The following PTGFR variants were observed in gnomAD, a reference collection of about 807,000 sequenced individuals.
PTGFR encodes the protein prostaglandin F2-alpha receptor.
PTGFR carries 15 observed loss-of-function variants against 26.2 expected under a neutral mutation model. That is an observed-to-expected ratio of 0.57 (90% CI 0.38 to 0.88). The LOEUF (loss-of-function observed/expected upper bound fraction) is 0.88. PTGFR is among the 40% of genes least tolerant of loss of function. PTGFR has a pLI of 0.00. For synonymous variants in PTGFR, 165 were observed against 151.1 expected (o/e 1.09, Z -0.68); for missense variants, 369 against 427.2 (o/e 0.86, Z 1.20).
At chr1:78,498,471 A>G (rs972922722) in intron 2 of PTGFR, among the ~76,000 whole-genome samples, 1 of 152,056 alleles carries the variant, frequency 6.6e-6, no homozygotes, top group Non-Finnish European at 1.5e-5. Flanking sequence ...GTGTACATAC[A>G]TACCTGTTTG....
rs1257804375 is a variant in PTGFR, at chr1:78,537,635, A to T, written c.*948A>T. The stretch of plus-strand genomic sequence containing the variant: ...CAGAATCAATATATAAAATTCAAAG[A>T]CTATCTGCAGCTAGTGTGTTTCTTC... On this transcript the variant is annotated 3_prime_UTR_variant, in exon 3 of 3. Transcript: ENST00000370757. The T allele has an allele frequency of 6.6e-6, 1 of 152,124 alleles. No individual in the cohort carries two copies. The highest frequency in any genetic ancestry group is 2.4e-5 in the African/African-American group (1 of 41,456). The allele number at this position is 152,124 out of a possible 1,614,324, so 9.4% of individuals were successfully genotyped here. A position where few individuals can be genotyped will look rare whatever the true frequency, so the allele number is the denominator to read the frequency against.
intron 2 of PTGFR, among the ~76,000 whole-genome samples, chr1:78,508,078 T>A (rs577646433): frequency 6.6e-6 from 1 of 152,310 alleles, no homozygotes; most frequent in South Asian, 2.1e-4. Context: ...ATTTTGCTTA[T>A]ACTCAGGATA....
chr1:78,533,025 G>C (rs544015820), intron 2 of PTGFR, among the ~76,000 whole-genome samples: 1 of 152,208 alleles, frequency 6.6e-6, no homozygotes, highest in Non-Finnish European at 1.5e-5. Context: ...GAGCTTTGTA[G>C]TTATTGGACC....
chr1:78,516,384 T>C (rs1214977310), intron 2 of PTGFR, among the ~76,000 whole-genome samples: 1 of 152,174 alleles, frequency 6.6e-6, no homozygotes, highest in Non-Finnish European at 1.5e-5. Flanking sequence ...TCAATATTCA[T>C]GGAGAAGAGC....
At chr1:78,533,385 A>G (rs368840752) in intron 2 of PTGFR, among the ~76,000 whole-genome samples, 1 of 152,176 alleles carries the variant, frequency 6.6e-6, no homozygotes, top group Non-Finnish European at 1.5e-5. Context: ...TCCACTTTGT[A>G]TGGAAGTCTG....
intron 2 of PTGFR, among the ~76,000 whole-genome samples, chr1:78,533,113 G>T (rs1650563402): frequency 6.6e-6 from 1 of 152,054 alleles, no homozygotes; most frequent in Non-Finnish European, 1.5e-5. Flanking sequence ...AAGAGGTAGT[G>T]GTTTGCAAAC....
intron 2 of PTGFR, among the ~76,000 whole-genome samples, chr1:78,497,485 A>G (rs1286966829): frequency 6.6e-6 from 1 of 152,168 alleles, no homozygotes; most frequent in Non-Finnish European, 1.5e-5. Flanking sequence ...GAGAAAAAAG[A>G]GATTCACCAG....
chr1:78,505,127 T>TTC (rs1334199797), intron 2 of PTGFR, among the ~76,000 whole-genome samples: 1 of 149,726 alleles, frequency 6.7e-6, no homozygotes, highest in East Asian at 1.9e-4. Flanking sequence ...TAACTTTTTT[T>TTC]TTTTTTTTTT....
chr1:78,493,162 C>G lies in PTGFR; in HGVS notation c.419C>G (p.Pro140Arg), dbSNP rs1350239681. 7 of 1,614,136 alleles carry G rather than the reference C, an allele frequency of 4.3e-6. No homozygotes were observed. The highest frequency in any genetic ancestry group is 5.9e-6 in the Non-Finnish European group (7 of 1,180,022). ...GAGCGGTGTATTGGAGTCACAAAAC[C>G]AATATTTCATTCTACGAAAATTACA... The part of the protein sequence containing the change: ...AIERCIGVTK[P>R]IFHSTKITSK... The change falls in exon 2 of 3, where the codon CCA (proline) becomes CGA (arginine). Residue 140 changes from proline (P) to arginine (R), a missense_variant. Physicochemically the swap from Pro to Arg is moderately radical, Grantham distance 103 (BLOSUM62 -2). Coordinates refer to ENST00000370757, the MANE Select transcript of PTGFR (RefSeq NM_000959.4).
intron 2 of PTGFR, among the ~76,000 whole-genome samples, chr1:78,496,814 A>G (rs1649564067): frequency 6.6e-6 from 1 of 152,172 alleles, no homozygotes; most frequent in Admixed American, 6.6e-5. Context: ...ACTCTATTTT[A>G]CTTTTCTGAG....
Position 78,536,861 on chromosome 1 carries a change from G to A in PTGFR, c.*174G>A. ...AATTTGTCAAATAAACAGGATAACTGTACATTTTTCACTTGTTTTTGCCAA... is the reference window on the plus strand; with the variant it reads ...AATTTGTCAAATAAACAGGATAACTATACATTTTTCACTTGTTTTTGCCAA... On this transcript the variant is annotated 3_prime_UTR_variant, in exon 3 of 3. Transcript: ENST00000370757. The A allele has an allele frequency of 1.3e-6, 1 of 741,004 alleles. No homozygotes were observed. Among genetic ancestry groups the A allele is most frequent in the Non-Finnish European group, 2.1e-6 (1 of 486,564 alleles). 45.9% of individuals were successfully genotyped at this position (741,004 alleles called of 1,614,324 possible).
At chr1:78,491,881 C>A (rs1649410113) in intron 1 of PTGFR, among the ~76,000 whole-genome samples, 1 of 152,206 alleles carries the variant, frequency 6.6e-6, no homozygotes, top group African/African-American at 2.4e-5. Flanking sequence ...AGTGTCTGTG[C>A]CTCAGGCTTC....
intron 2 of PTGFR, among the ~76,000 whole-genome samples, chr1:78,500,746 G>A (rs1260945743): frequency 6.6e-6 from 1 of 152,178 alleles, no homozygotes; most frequent in Non-Finnish European, 1.5e-5. Flanking sequence ...CATATAAAGT[G>A]CATTACACAT....
rs988435353 is a variant in PTGFR, at chr1:78,540,569, T to G, written c.*3882T>G. Among the ~76,000 whole-genome samples, 4 of 152,122 alleles carry G rather than the reference T, an allele frequency of 2.6e-5. No homozygotes were observed. Among genetic ancestry groups the G allele is most frequent in the African/African-American group, 9.7e-5 (4 of 41,450 alleles). ...AGAAATTTTAGATGACTAAAAGGAC[T>G]ATATAATAGAAAGAGGGAAATCTTG... On this transcript the variant is annotated 3_prime_UTR_variant, in exon 3 of 3. Coordinates refer to ENST00000370757, the MANE Select transcript of PTGFR (RefSeq NM_000959.4).
chr1:78,497,127 A>G (rs1250304206), intron 2 of PTGFR, among the ~76,000 whole-genome samples: 1 of 152,120 alleles, frequency 6.6e-6, no homozygotes, highest in African/African-American at 2.4e-5. Context: ...TATTTTTCCA[A>G]AAGGGGAAAA....
chr1:78,512,800 G>A (rs564131955), intron 2 of PTGFR, among the ~76,000 whole-genome samples: 2 of 152,266 alleles, frequency 1.3e-5, no homozygotes, highest in South Asian at 4.2e-4. Context: ...AAATGGTTTA[G>A]CACCAACTCC....
chr1:78,521,813 G>A (rs1050246683), intron 2 of PTGFR, among the ~76,000 whole-genome samples: 1 of 151,998 alleles, frequency 6.6e-6, no homozygotes, highest in African/African-American at 2.4e-5. Context: ...GCTGTTGTAG[G>A]TTTTTGATCT....
intron 2 of PTGFR, among the ~76,000 whole-genome samples, chr1:78,520,405 T>C: frequency 6.6e-6 from 1 of 152,058 alleles, no homozygotes; most frequent in South Asian, 2.1e-4. Flanking sequence ...TTTGGCTTTG[T>C]GGCATTGGAA....
At chr1:78,495,168 C>A (rs553359506) in intron 2 of PTGFR, among the ~76,000 whole-genome samples, 2 of 152,202 alleles carry the variant, frequency 1.3e-5, no homozygotes, top group Non-Finnish European at 2.9e-5. Flanking sequence ...GAGAGTGGGT[C>A]TATCAATGGC....
Sources: allele counts gnomAD v4.1 joint callset (sites outside exome capture counted in the v4.1 genomes callset), GRCh38; gene constraint gnomAD v4.1.1; transcripts MANE v1.5; gene names NCBI Gene and HGNC (gene_info 2026-07-23, HGNC 2026-07-21).